The following COL22A1 variants were observed in gnomAD, a reference collection of about 807,000 sequenced individuals.
The protein encoded by COL22A1 is collagen type XXII alpha 1 chain.
Under a neutral mutation model 248.9 loss-of-function variants are expected in COL22A1, and 221 were observed. The observed-to-expected ratio is 0.89, with a 90% confidence interval of 0.80 to 0.99. COL22A1 has a LOEUF of 0.99. Among genes scored for constraint, COL22A1 ranks in the 50% least tolerant of loss-of-function variants. The probability of loss-of-function intolerance (pLI) is 0.00; values close to 1 mark genes in which losing one functional copy is unlikely to be tolerated. For missense variants in COL22A1, 2,240 were observed against 2,179.0 expected (o/e 1.03, Z -0.56); for synonymous variants, 891 against 793.4 (o/e 1.12, Z -2.07).
intron 7 of COL22A1, among the ~76,000 whole-genome samples, chr8:138,814,663 A>T (rs1011870605): frequency 6.6e-6 from 1 of 152,158 alleles, no homozygotes. Flanking sequence ...TGACTGTAGC[A>T]TTGGCCAGCA....
chr8:138,900,479 T>C (rs531790252), intron 1 of COL22A1, among the ~76,000 whole-genome samples: 1 of 152,362 alleles, frequency 6.6e-6, no homozygotes, highest in South Asian at 2.1e-4. Context: ...CTTTATGCTA[T>C]GGAATTCAAA....
chr8:138,684,299 G>C, intron 39 of COL22A1, 126 bp downstream of exon 39: 2 of 761,300 alleles, frequency 2.6e-6, no homozygotes, highest in Non-Finnish European at 4.8e-6. Flanking sequence ...TAGTCAAATG[G>C]AACACGATGA....
At chr8:138,819,421 G>A (rs1391587950) in intron 7 of COL22A1, among the ~76,000 whole-genome samples, 1 of 151,938 alleles carries the variant, frequency 6.6e-6, no homozygotes, top group Non-Finnish European at 1.5e-5. Context: ...AGTAAACATA[G>A]GGAAGGATTT....
chr8:138,774,187 TACAA>T (rs1185687358), intron 16 of COL22A1, among the ~76,000 whole-genome samples: 14 of 152,180 alleles, frequency 9.2e-5, no homozygotes, highest in Admixed American at 5.9e-4. Context: ...AAATTTAATA[TACAA>T]ACAAACAAAA....
intron 3 of COL22A1, among the ~76,000 whole-genome samples, chr8:138,866,253 C>T (rs1358190316): frequency 6.6e-6 from 1 of 152,134 alleles, no homozygotes; most frequent in Non-Finnish European, 1.5e-5. Context: ...ATCGCATAAC[C>T]CCGTATCCCT....
intron 1 of COL22A1, among the ~76,000 whole-genome samples, chr8:138,906,652 C>A (rs1256746128): frequency 6.7e-6 from 1 of 148,644 alleles, no homozygotes; most frequent in Non-Finnish European, 1.5e-5. Context: ...GACTGACTTT[C>A]TTTTTCTTTT....
chr8:138,780,491 G>A (rs906849661), intron 13 of COL22A1, among the ~76,000 whole-genome samples: 1 of 152,208 alleles, frequency 6.6e-6, no homozygotes, highest in African/African-American at 2.4e-5. Flanking sequence ...TCAGAGGCAG[G>A]TGAGATGAAG....
At chr8:138,870,835 G>A (rs934559985) in intron 3 of COL22A1, among the ~76,000 whole-genome samples, 1 of 151,712 alleles carries the variant, frequency 6.6e-6, no homozygotes, top group African/African-American at 2.4e-5. Context: ...GTGTGTGTGA[G>A]TGGGTGTGTA....
At chr8:138,748,713 G>T (rs555105539) in intron 22 of COL22A1, among the ~76,000 whole-genome samples, 12 of 152,190 alleles carry the variant, frequency 7.9e-5, no homozygotes, top group Non-Finnish European at 1.3e-4. Context: ...AATTTCCAAG[G>T]CCTGTGGGTT....
At chr8:138,662,900 C>G (rs1824095124) in intron 42 of COL22A1, among the ~76,000 whole-genome samples, 2 of 151,570 alleles carry the variant, frequency 1.3e-5, no homozygotes, top group African/African-American at 4.8e-5. Context: ...CCTGTAATTC[C>G]AGCTACCGGG....
chr8:138,662,118 C>T, intron 42 of COL22A1, 35 bp from the exon 43 acceptor site: 3 of 1,591,526 alleles, frequency 1.9e-6, no homozygotes, highest in Non-Finnish European at 2.6e-6. Flanking sequence ...TGACACCCTA[C>T]AATATTTAAG....
At chr8:138,621,883 C>T (rs574814626) in intron 52 of COL22A1, among the ~76,000 whole-genome samples, 1 of 152,318 alleles carries the variant, frequency 6.6e-6, no homozygotes, top group Admixed American at 6.5e-5. Context: ...TGTCATTTGC[C>T]CATCATGGGC....
intron 6 of COL22A1, 55 bp downstream of exon 6, chr8:138,826,603 T>G (rs1370940740): frequency 1.9e-6 from 3 of 1,591,862 alleles, no homozygotes; most frequent in African/African-American, 1.3e-5. Context: ...CCATCCACTG[T>G]GAGAGGGGAA....
intron 34 of COL22A1, 75 bp from the exon 35 acceptor site, chr8:138,693,774 T>C: frequency 2.1e-6 from 3 of 1,451,994 alleles, no homozygotes; most frequent in Non-Finnish European, 2.8e-6. Flanking sequence ...CAGGGAGGTC[T>C]CGGGAATACC....
chr8:138,645,657 A>G (rs1822139712), intron 47 of COL22A1, among the ~76,000 whole-genome samples: 1 of 152,198 alleles, frequency 6.6e-6, no homozygotes, highest in Non-Finnish European at 1.5e-5. Flanking sequence ...AGTTAACTTT[A>G]GGAAACAAAA....
chr8:138,854,811 A>G (rs1382763672), intron 3 of COL22A1, among the ~76,000 whole-genome samples: 1 of 151,616 alleles, frequency 6.6e-6, no homozygotes, highest in African/African-American at 2.4e-5. Context: ...GATGGTGATG[A>G]TGATGGTGAT....
chr8:138,759,654 T>C (rs1833286610), intron 18 of COL22A1, among the ~76,000 whole-genome samples: 1 of 152,232 alleles, frequency 6.6e-6, no homozygotes, highest in African/African-American at 2.4e-5. Context: ...GCAAAGAATG[T>C]CTACCTGCCA....
At chr8:138,806,990 G>C (rs1473697050) in intron 10 of COL22A1, among the ~76,000 whole-genome samples, 2 of 152,178 alleles carry the variant, frequency 1.3e-5, no homozygotes, top group African/African-American at 2.4e-5. Flanking sequence ...GCCCTCAGCA[G>C]GTTTCACTAA....
chr8:138,861,249 T>G (rs1822433976), intron 3 of COL22A1, among the ~76,000 whole-genome samples: 1 of 152,144 alleles, frequency 6.6e-6, no homozygotes, highest in African/African-American at 2.4e-5. Flanking sequence ...GGAGGTTAGA[T>G]CTCCACTCAC....
Sources: allele counts gnomAD v4.1 joint callset (sites outside exome capture counted in the v4.1 genomes callset), GRCh38; gene constraint gnomAD v4.1.1; transcripts MANE v1.5; gene names NCBI Gene and HGNC (gene_info 2026-07-23, HGNC 2026-07-21).